DNASE1: variants seen among roughly 807,000 people sequenced by gnomAD.
The protein encoded by DNASE1 is deoxyribonuclease 1, also known as deoxyribonuclease-1.
A neutral mutation model predicts 33.9 loss-of-function variants in DNASE1; 40 were observed. The observed-to-expected ratio is 1.18, with a 90% CI of 0.92 to 1.54. The LOEUF (loss-of-function observed/expected upper bound fraction) is 1.54, where lower values mean the gene tolerates loss of function less well. DNASE1 is among the 40% of genes most tolerant of loss of function. The pLI, the probability that DNASE1 is intolerant of heterozygous loss-of-function variation, is 0.00. For synonymous variants in DNASE1, 216 were observed against 160.0 expected, an observed-to-expected ratio of 1.35 and a Z score of -2.64; for missense variants, 518 against 372.6, an observed-to-expected ratio of 1.39 and a Z score of -3.21.
downstream of DNASE1, chr16:3,661,993 T>C (rs758506078): frequency 3.1e-6 from 5 of 1,605,988 alleles, no homozygotes; most frequent in South Asian, 2.2e-5. Flanking sequence ...TCACCTGGGG[T>C]TGATCTCCAG....
chr16:3,637,687 C>G (rs1315024116), intron 1 of DNASE1, among the ~76,000 whole-genome samples: 2 of 152,136 alleles, frequency 1.3e-5, no homozygotes, highest in African/African-American at 4.8e-5. Flanking sequence ...AGACATAGTC[C>G]ACATGGCTGC....
rs1172464254 is a variant in DNASE1, at chr16:3,656,650, G to A, written c.333G>A (p.Val111=). The A allele has an allele frequency of 1.2e-6, 2 of 1,611,950 alleles. No homozygotes were observed. The highest frequency in any genetic ancestry group is 1.7e-6 in the Non-Finnish European group (2 of 1,179,048). Residue 111 remains valine, a synonymous_variant, in exon 5 of 9, where the codon GTG becomes GTA. Transcript: ENST00000246949. ...RYLFVYRPDQ[V]SAVDSYYYDD... ...GGCCTTCCCGCAGGCCTGACCAGGTGTCTGCGGTGGACAGCTACTACTACG... is the reference window on the plus strand; with the variant it reads ...GGCCTTCCCGCAGGCCTGACCAGGTATCTGCGGTGGACAGCTACTACTACG...
intron 1 of DNASE1, among the ~76,000 whole-genome samples, chr16:3,648,044 C>T (rs530664270): frequency 5.9e-5 from 9 of 152,198 alleles, no homozygotes; most frequent in South Asian, 2.1e-4. Context: ...GGCGCACATC[C>T]GTAATCCCAT....
At chr16:3,641,533 C>T (rs1445773409), upstream of DNASE1, among the ~76,000 whole-genome samples, 1 of 152,172 alleles carries the variant, frequency 6.6e-6, no homozygotes, top group Admixed American at 6.5e-5. Context: ...AGCATCTGTC[C>T]TGGAGGCCAT....
intron 1 of DNASE1, among the ~76,000 whole-genome samples, chr16:3,614,119 A>G (rs1177073282): frequency 6.6e-6 from 1 of 151,702 alleles, no homozygotes; most frequent in African/African-American, 2.4e-5. Context: ...TCACCATATT[A>G]GCCAGGATGG....
chr16:3,640,896 G>C (rs939718985), upstream of DNASE1: 4 of 398,446 alleles, frequency 1.0e-5, no homozygotes, highest in African/African-American at 2.1e-5. Context: ...ACAGGAGCCC[G>C]TCACCCATGA....
chr16:3,648,671 AAACAT>A (rs1263353744), intron 1 of DNASE1, among the ~76,000 whole-genome samples: 35 of 152,238 alleles, frequency 2.3e-4, no homozygotes, highest in Non-Finnish European at 2.9e-5. Context: ...TTTAAAAACA[AAACAT>A]AAGGACCAAT....
rs573093784 is a variant in DNASE1, at chr16:3,625,450, C to T, written c.-1359+13444C>T. ...CTGGGCTGTGTAGTGAGACCCATCG[C>T]TGCAAAAAAAAAATTGTTTAAATAA... On this transcript the variant is annotated intron_variant and NMD_transcript_variant, in intron 1 of 11. Transcript: ENST00000570769. 1.4e-4 allele frequency among the ~76,000 whole-genome samples: 22 copies of T among 151,814 alleles called. 1 individual carries two copies. In the South Asian group the frequency reaches 4.6e-3, roughly 32 times the overall value.
chr16:3,629,804 G>A (rs1190766898), intron 1 of DNASE1, among the ~76,000 whole-genome samples: 11 of 151,572 alleles, frequency 7.3e-5, no homozygotes, highest in African/African-American at 2.7e-4. Flanking sequence ...GTCTTGGTAG[G>A]GGTTTTTTAA....
intron 1 of DNASE1, among the ~76,000 whole-genome samples, chr16:3,621,244 C>G (rs570497687): frequency 6.6e-6 from 1 of 152,178 alleles, no homozygotes; most frequent in South Asian, 2.1e-4. Context: ...TGCCACCACA[C>G]CCAACTGACT....
At chr16:3,634,873 G>T (rs2041821250) in intron 1 of DNASE1, among the ~76,000 whole-genome samples, 1 of 152,164 alleles carries the variant, frequency 6.6e-6, no homozygotes, top group Non-Finnish European at 1.5e-5. Context: ...CTAGAGTGCA[G>T]TGGCTATTCA....
At chr16:3,662,077 G>A (rs765573678), downstream of DNASE1, 192 of 1,613,174 alleles carry the variant, frequency 1.2e-4, no homozygotes, top group Non-Finnish European at 1.5e-4. Context: ...GTGGCGGGCA[G>A]CCCCCATCTC....
downstream of DNASE1, chr16:3,658,727 C>T: frequency 6.7e-7 from 1 of 1,498,980 alleles, no homozygotes; most frequent in Non-Finnish European, 9.2e-7. Flanking sequence ...GCTGTTCCAC[C>T]CTGAAGGCAG....
At chr16:3,664,252 G>A (rs781132432) in exon 10 of DNASE1, 16 of 1,456,296 alleles carry the variant, frequency 1.1e-5, no homozygotes, top group South Asian at 7.4e-5. Context: ...CCCGGAGCCC[G>A]CCCCACCCAC....
At chr16:3,618,854 C>T (rs565954438) in intron 1 of DNASE1, among the ~76,000 whole-genome samples, 26 of 152,230 alleles carry the variant, frequency 1.7e-4, no homozygotes, top group Non-Finnish European at 2.9e-4. Context: ...TGCTTATTTC[C>T]GTTTTGTAAT....
upstream of DNASE1, chr16:3,654,478 T>C (rs1596640766): frequency 2.5e-6 from 1 of 398,678 alleles, no homozygotes; most frequent in Non-Finnish European, 4.4e-6. Flanking sequence ...CAACTTTGGA[T>C]GTGGCTTTGG....
downstream of DNASE1, chr16:3,662,746 G>A: frequency 1.2e-6 from 1 of 805,616 alleles, no homozygotes; most frequent in Non-Finnish European, 2.1e-6. Context: ...GGGACCCACA[G>A]GGTCTCCACC....
upstream of DNASE1, chr16:3,641,247 C>T (rs373483494): frequency 2.7e-5 from 8 of 296,430 alleles, no homozygotes; most frequent in African/African-American, 6.5e-5. Flanking sequence ...GGTGAGTGGA[C>T]GCATTTACGT....
At chr16:3,642,320 G>T (rs1448470887), upstream of DNASE1, among the ~76,000 whole-genome samples, 1 of 152,226 alleles carries the variant, frequency 6.6e-6, no homozygotes, top group Non-Finnish European at 1.5e-5. Context: ...GGGCACTCCT[G>T]TGTCACCCGT....
Sources: allele counts gnomAD v4.1 joint callset (sites outside exome capture counted in the v4.1 genomes callset), GRCh38; gene constraint gnomAD v4.1.1; transcripts MANE v1.5; gene names NCBI Gene and HGNC (gene_info 2026-07-23, HGNC 2026-07-21).